TMEM232: variants seen among roughly 807,000 people sequenced by gnomAD.
The protein encoded by TMEM232 is transmembrane protein 232.
TMEM232 carries 80 observed loss-of-function variants against 78.8 expected under a neutral mutation model. The ratio of observed to expected loss-of-function variants is 1.01; its 90% CI spans 0.85 to 1.22. The LOEUF (loss-of-function observed/expected upper bound fraction) is 1.22. Among genes scored for constraint, TMEM232 ranks in the 50% most tolerant of loss-of-function variants. TMEM232 has a pLI of 0.00. For missense variants in TMEM232, 881 were observed against 742.2 expected (o/e 1.19, Z -2.17); for synonymous variants, 297 against 254.3 (o/e 1.17, Z -1.60).
chr5:110,656,950 C>T (rs13355007), intron 2 of TMEM232, among the ~76,000 whole-genome samples: 12,430 of 151,888 alleles, frequency 0.082, 587 homozygotes, highest in South Asian at 0.18. Flanking sequence ...AATAATTGTA[C>T]GTATTTATGG....
intron 5 of TMEM232, among the ~76,000 whole-genome samples, chr5:110,637,636 C>A (rs1055807639): frequency 6.6e-6 from 1 of 151,696 alleles, no homozygotes; most frequent in African/African-American, 2.4e-5. Context: ...TCTTTCTTTG[C>A]AGTAAAACCA....
chr5:110,528,194 GT>G (rs1177656142), intron 12 of TMEM232, among the ~76,000 whole-genome samples: 7 of 151,712 alleles, frequency 4.6e-5, no homozygotes, highest in African/African-American at 9.7e-5. Flanking sequence ...ATAACTACCA[GT>G]TTTTGAAGTC....
At chr5:110,408,515 C>T (rs543976438) in intron 2 of TMEM232, among the ~76,000 whole-genome samples, 1 of 152,024 alleles carries the variant, frequency 6.6e-6, no homozygotes, top group African/African-American at 2.4e-5. Flanking sequence ...TTGCTTGAAT[C>T]CAGGAGAAAG....
At chr5:110,602,175 T>C (rs1246498128) in intron 10 of TMEM232, among the ~76,000 whole-genome samples, 1 of 151,900 alleles carries the variant, frequency 6.6e-6, no homozygotes, top group South Asian at 2.1e-4. Context: ...AAATGGAAGA[T>C]CTAAAACCAC....
At chr5:110,406,068 T>G (rs1308913643) in intron 2 of TMEM232, among the ~76,000 whole-genome samples, 1 of 151,926 alleles carries the variant, frequency 6.6e-6, no homozygotes, top group Admixed American at 6.6e-5. Context: ...ACAGGAATTA[T>G]GACTGACTTC....
chr5:110,630,954 C>T (rs1785047713), intron 5 of TMEM232, among the ~76,000 whole-genome samples: 1 of 152,078 alleles, frequency 6.6e-6, no homozygotes, highest in South Asian at 2.1e-4. Flanking sequence ...TTGCACCAGA[C>T]ACAGAACTTA....
In TMEM232 at chr5:110,685,061, A is replaced by G. The variant is rs564934318; in HGVS notation, c.-12-17697T>C. On this transcript the variant is annotated intron_variant, in intron 1 of 13. Transcript: ENST00000455884. ...AATTGAGTTAGAAAATTATAACAAA[A>G]GGATAAATTAACTCTACATATATTG... 5 of 152,290 alleles carry G rather than the reference A, an allele frequency of 3.3e-5. No homozygotes were observed. The South Asian group carries it at 1.0e-3, about 32-fold the overall frequency. 9.4% of individuals were successfully genotyped at this position (152,290 alleles called of 1,614,324 possible).
chr5:110,517,516 C>T (rs1463880028), intron 12 of TMEM232, among the ~76,000 whole-genome samples: 2 of 152,122 alleles, frequency 1.3e-5, no homozygotes, highest in Non-Finnish European at 2.9e-5. Context: ...TTGTTGTCAC[C>T]AAGCTGTAGC....
At chr5:110,438,430 G>A (rs1167408978) in intron 12 of TMEM232, among the ~76,000 whole-genome samples, 2 of 151,770 alleles carry the variant, frequency 1.3e-5, no homozygotes, top group African/African-American at 2.4e-5. Context: ...CTCATGATCT[G>A]AGTGCAGAGA....
intron 12 of TMEM232, among the ~76,000 whole-genome samples, chr5:110,493,596 A>G (rs1238573129): frequency 6.6e-6 from 1 of 152,118 alleles, no homozygotes; most frequent in Non-Finnish European, 1.5e-5. Context: ...AATTGTCAAT[A>G]AATGGTGTGT....
intron 10 of TMEM232, among the ~76,000 whole-genome samples, chr5:110,574,729 G>A (rs1045627430): frequency 6.6e-6 from 1 of 152,050 alleles, no homozygotes; most frequent in African/African-American, 2.4e-5. Context: ...AGAAGTAAAT[G>A]TTCTTCACAC....
intron 12 of TMEM232, among the ~76,000 whole-genome samples, chr5:110,448,657 GA>G (rs1759930944): frequency 6.6e-6 from 1 of 151,864 alleles, no homozygotes; most frequent in East Asian, 1.9e-4. Flanking sequence ...AAGATGAAGT[GA>G]AAAAGAAGTA....
chr5:110,473,564 G>A (rs772036786), intron 12 of TMEM232, among the ~76,000 whole-genome samples: 8 of 150,606 alleles, frequency 5.3e-5, no homozygotes, highest in Non-Finnish European at 1.0e-4. Flanking sequence ...CACCTACTAT[G>A]TACTCTCAAA....
intron 12 of TMEM232, among the ~76,000 whole-genome samples, chr5:110,457,330 T>A (rs189245852): frequency 1.7e-3 from 263 of 152,180 alleles, no homozygotes; most frequent in African/African-American, 5.9e-3. Flanking sequence ...TGCAAACCTA[T>A]AAGAATGGCT....
At chr5:110,693,965 T>C (rs61991487) in intron 1 of TMEM232, among the ~76,000 whole-genome samples, 2 of 152,066 alleles carry the variant, frequency 1.3e-5, no homozygotes, top group Admixed American at 6.5e-5. Flanking sequence ...GCCACAAAGA[T>C]ACTCCTCGAG....
At chr5:110,644,541 A>G (rs1201727624) in intron 2 of TMEM232, among the ~76,000 whole-genome samples, 1 of 151,840 alleles carries the variant, frequency 6.6e-6, no homozygotes, top group Non-Finnish European at 1.5e-5. Context: ...GTATCTTTAC[A>G]TACCTTTCTC....
chr5:110,390,879 G>A (rs950352281), intron 3 of TMEM232, among the ~76,000 whole-genome samples: 3 of 152,188 alleles, frequency 2.0e-5, no homozygotes, highest in Non-Finnish European at 4.4e-5. Flanking sequence ...CTCACCTTTG[G>A]GAAGATTCAT....
At chr5:110,661,791 C>T (rs1352374108) in intron 2 of TMEM232, among the ~76,000 whole-genome samples, 1 of 152,196 alleles carries the variant, frequency 6.6e-6, no homozygotes, top group African/African-American at 2.4e-5. Flanking sequence ...TCCTCTTTCT[C>T]CACATCCTCA....
At chr5:110,713,418 T>G (rs764818886) in intron 1 of TMEM232, among the ~76,000 whole-genome samples, 1 of 152,158 alleles carries the variant, frequency 6.6e-6, no homozygotes, top group Non-Finnish European at 1.5e-5. Context: ...GGATTGTTTA[T>G]AACTCAAAGT....
Sources: allele counts gnomAD v4.1 joint callset (sites outside exome capture counted in the v4.1 genomes callset), GRCh38; gene constraint gnomAD v4.1.1; transcripts MANE v1.5; gene names NCBI Gene and HGNC (gene_info 2026-07-23, HGNC 2026-07-21).